HS3ST4: variants seen among roughly 807,000 people sequenced by gnomAD.
The protein encoded by HS3ST4 is heparan sulfate glucosamine 3-O-sulfotransferase 4.
Under a neutral mutation model 29.2 loss-of-function variants are expected in HS3ST4, and 17 were observed. That is an observed-to-expected ratio of 0.58 (90% CI 0.40 to 0.87). The LOEUF is 0.87. Ranked by LOEUF, HS3ST4 falls within the 40% of genes least tolerant of loss-of-function variation. HS3ST4 has a pLI of 0.00. For missense variants in HS3ST4, 627 were observed against 634.5 expected (o/e 0.99, Z 0.13); for synonymous variants, 314 against 285.7 (o/e 1.10, Z -1.00).
chr16:25,774,390 T>C (rs1259370736), intron 1 of HS3ST4, among the ~76,000 whole-genome samples: 1 of 152,200 alleles, frequency 6.6e-6, no homozygotes, highest in Non-Finnish European at 1.5e-5. Flanking sequence ...TTCAGAAGAT[T>C]AAGCAACTAT....
intron 1 of HS3ST4, among the ~76,000 whole-genome samples, chr16:26,078,497 A>G (rs1898691949): frequency 6.6e-6 from 1 of 152,144 alleles, no homozygotes; most frequent in South Asian, 2.1e-4. Context: ...CATGGCCCAA[A>G]TCCTAAATGT....
At chr16:25,794,431 C>A (rs768795060) in intron 1 of HS3ST4, among the ~76,000 whole-genome samples, 8 of 151,686 alleles carry the variant, frequency 5.3e-5, no homozygotes, top group Non-Finnish European at 1.0e-4. Context: ...GCAATGAATT[C>A]TCTCGGGTTT....
chr16:25,903,191 T>C (rs1401051859), intron 1 of HS3ST4, among the ~76,000 whole-genome samples: 4 of 151,668 alleles, frequency 2.6e-5, no homozygotes. Flanking sequence ...GAAATAGTGA[T>C]TCTTTTTTCT....
chr16:25,952,838 G>A (rs1288322375), intron 1 of HS3ST4, among the ~76,000 whole-genome samples: 1 of 152,030 alleles, frequency 6.6e-6, no homozygotes, highest in Non-Finnish European at 1.5e-5. Context: ...GTAAGCATTC[G>A]ATGGATGTTC....
intron 1 of HS3ST4, among the ~76,000 whole-genome samples, chr16:26,081,522 A>C (rs1898723474): frequency 6.6e-6 from 1 of 152,176 alleles, no homozygotes; most frequent in Non-Finnish European, 1.5e-5. Flanking sequence ...AGGCATTTCA[A>C]ATCCTGTGCA....
At chr16:25,973,135 T>C (rs1368458380) in intron 1 of HS3ST4, among the ~76,000 whole-genome samples, 1 of 152,182 alleles carries the variant, frequency 6.6e-6, no homozygotes, top group African/African-American at 2.4e-5. Flanking sequence ...ATTGTTGTGC[T>C]GTCGGGGGAA....
At chr16:25,909,941 C>T (rs191346752) in intron 1 of HS3ST4, among the ~76,000 whole-genome samples, 2 of 152,278 alleles carry the variant, frequency 1.3e-5, no homozygotes, top group African/African-American at 4.8e-5. Context: ...TCATATCTCA[C>T]TGCAGCCTTG....
intron 1 of HS3ST4, among the ~76,000 whole-genome samples, chr16:25,856,343 C>A (rs1481211752): frequency 2.6e-5 from 4 of 152,046 alleles, no homozygotes; most frequent in Non-Finnish European, 5.9e-5. Context: ...TTCATCCCCA[C>A]CCTCCAACCT....
intron 1 of HS3ST4, among the ~76,000 whole-genome samples, chr16:26,040,594 C>T (rs540261928): frequency 2.0e-5 from 3 of 151,936 alleles, no homozygotes; most frequent in South Asian, 4.2e-4. Flanking sequence ...GGTGAGCCAC[C>T]GCATTCGGCC....
chr16:25,972,872 A>G (rs1174973887), intron 1 of HS3ST4, among the ~76,000 whole-genome samples: 1 of 152,192 alleles, frequency 6.6e-6, no homozygotes, highest in Non-Finnish European at 1.5e-5. Flanking sequence ...AGTGTCAGGA[A>G]CATAGTTTGC....
intron 1 of HS3ST4, among the ~76,000 whole-genome samples, chr16:26,042,776 T>C (rs142326399): frequency 9.5e-4 from 144 of 152,252 alleles, no homozygotes; most frequent in African/African-American, 3.3e-3. Context: ...CCTTTTTACA[T>C]TCCATTTTCA....
chr16:26,127,085 A>C (rs1899353914), intron 1 of HS3ST4, among the ~76,000 whole-genome samples: 1 of 152,152 alleles, frequency 6.6e-6, no homozygotes, highest in Non-Finnish European at 1.5e-5. Context: ...CTCTGGAAGC[A>C]AAATCAAACA....
chr16:25,709,775 C>T (rs556285895), intron 1 of HS3ST4, among the ~76,000 whole-genome samples: 1 of 151,996 alleles, frequency 6.6e-6, no homozygotes, highest in African/African-American at 2.4e-5. Context: ...TGTGTTCAAT[C>T]CTGAAAAAAG....
chr16:25,885,057 A>G (rs8058166), intron 1 of HS3ST4, among the ~76,000 whole-genome samples: 54,707 of 152,018 alleles, frequency 0.36, 10,602 homozygotes, highest in African/African-American at 0.49. Flanking sequence ...TAACCATTTC[A>G]GAATAAAAAA....
intron 1 of HS3ST4, among the ~76,000 whole-genome samples, chr16:25,721,456 C>A (rs1422479441): frequency 7.8e-6 from 1 of 127,542 alleles, no homozygotes; most frequent in African/African-American, 2.7e-5. Context: ...AATGAAATAC[C>A]CTTCTTTCCC....
At chr16:25,920,647 G>A (rs114198777) in intron 1 of HS3ST4, among the ~76,000 whole-genome samples, 3,378 of 150,078 alleles carry the variant, frequency 0.023, 148 homozygotes, top group African/African-American at 0.08. Flanking sequence ...GTGTCACTGG[G>A]GCTGGAGTAC....
intron 1 of HS3ST4, among the ~76,000 whole-genome samples, chr16:25,857,084 A>G (rs1967580285): frequency 6.6e-6 from 1 of 152,130 alleles, no homozygotes; most frequent in African/African-American, 2.4e-5. Flanking sequence ...CACCCAGTTG[A>G]TGTCAGAGAA....
At chr16:25,772,468 G>A (rs547815759) in intron 1 of HS3ST4, among the ~76,000 whole-genome samples, 1 of 152,276 alleles carries the variant, frequency 6.6e-6, no homozygotes, top group African/African-American at 2.4e-5. Context: ...TTTGTCATCC[G>A]TGATACTGGC....
intron 1 of HS3ST4, among the ~76,000 whole-genome samples, chr16:26,035,761 A>G (rs561380093): frequency 2.9e-4 from 44 of 152,210 alleles, no homozygotes; most frequent in Non-Finnish European, 5.3e-4. Context: ...ATGTTTTCCA[A>G]ATGCGCAGCT....
Sources: allele counts gnomAD v4.1 joint callset (sites outside exome capture counted in the v4.1 genomes callset), GRCh38; gene constraint gnomAD v4.1.1; transcripts MANE v1.5; gene names NCBI Gene and HGNC (gene_info 2026-07-23, HGNC 2026-07-21).